SMARCA5: variants seen among roughly 807,000 people sequenced by gnomAD.
SMARCA5 encodes the protein SNF2 related chromatin remodeling ATPase 5.
In SMARCA5, 18 loss-of-function variants were observed where a neutral mutation model predicts 140.4. The ratio of observed to expected loss-of-function variants is 0.13; its 90% CI spans 0.09 to 0.19. The LOEUF is 0.19. Among genes scored for constraint, SMARCA5 ranks in the 10% least tolerant of loss-of-function variants. The pLI is 1.00. For synonymous variants in SMARCA5, 449 were observed against 419.6 expected (o/e 1.07, Z -0.86); for missense variants, 606 against 1,276.8 (o/e 0.47, Z 8.01).
intron 23 of SMARCA5, among the ~76,000 whole-genome samples, 163 bp downstream of exon 23, chr4:143,550,267 C>T (rs1489084982): frequency 1.5e-5 from 2 of 136,866 alleles, no homozygotes; most frequent in African/African-American, 5.4e-5. Flanking sequence ...AACCCAAGCT[C>T]ATAATTTGAG....
At chr4:143,526,482 A>C (rs944444951) in intron 6 of SMARCA5, 22 bp downstream of exon 6, 1 of 1,529,636 alleles carries the variant, frequency 6.5e-7, no homozygotes, top group Non-Finnish European at 9.0e-7. Context: ...GTATTTCATT[A>C]CATTTTTGAG....
intron 10 of SMARCA5, among the ~76,000 whole-genome samples, chr4:143,535,604 T>C (rs1306359781): frequency 6.6e-6 from 1 of 152,140 alleles, no homozygotes; most frequent in Non-Finnish European, 1.5e-5. Context: ...GTAGCAGATA[T>C]TAGGCTTACC....
At position 143,550,121 on chromosome 4, in the gene SMARCA5, A is replaced by T. The variant is rs770393449; in HGVS notation, c.3093+17A>T. 1 of 1,343,938 alleles carries T rather than the reference A, an allele frequency of 7.4e-7. No individual in the cohort carries two copies. The highest frequency in any genetic ancestry group is 1.0e-6 in the Non-Finnish European group (1 of 964,382). The allele number at this position is 1,343,938 out of a possible 1,614,324, so 83.3% of individuals were successfully genotyped here. ...AAGCCTTCAGTAAGTATTCATGAAT[A>T]TGTAAATATGTGGATTATGTAAATT... On this transcript the variant is annotated intron_variant, in intron 23 of 23. Coordinates refer to ENST00000283131, the MANE Select transcript of SMARCA5 (RefSeq NM_003601.4).
chr4:143,536,703 TCAAAA>T (rs1737312047), intron 11 of SMARCA5, 25 bp downstream of exon 11: 1 of 1,504,298 alleles, frequency 6.6e-7, no homozygotes, highest in Admixed American at 1.7e-5. Flanking sequence ...TATCAAATTA[TCAAAA>T]CTGTTTTAAA....
At chr4:143,525,180 G>A (rs749849386) in intron 4 of SMARCA5, among the ~76,000 whole-genome samples, 4 of 151,958 alleles carry the variant, frequency 2.6e-5, no homozygotes, top group Non-Finnish European at 5.9e-5. Flanking sequence ...GAGTCTCTCA[G>A]ACCAGTATAT....
Position 143,555,252 on chromosome 4 carries a change from C to A in SMARCA5, c.*2068C>A. The A allele has an allele frequency of 1.2e-6, 1 of 859,304 alleles. No individual in the cohort carries two copies. Among genetic ancestry groups the A allele is most frequent in the Non-Finnish European group, 1.9e-6 (1 of 512,928 alleles). The allele number at this position is 859,304 out of a possible 1,614,324, so 53.2% of individuals were successfully genotyped here. On this transcript the variant is annotated 3_prime_UTR_variant, in exon 24 of 24. Transcript: ENST00000283131. ...CCAAAGTTTCCTCCCTTCATGGGTC[C>A]AAAATTTGAAGACTGATTGTTGTCA...
At chr4:143,545,100 C>T (rs1737497329) in intron 17 of SMARCA5, among the ~76,000 whole-genome samples, 1 of 151,766 alleles carries the variant, frequency 6.6e-6, no homozygotes, top group African/African-American at 2.4e-5. Context: ...CCACCACCAC[C>T]CCTGGCTAAT....
In SMARCA5 at chr4:143,517,478, G is replaced by A. The variant is rs1278550184; in HGVS notation, c.252+49G>A. On this transcript the variant is annotated intron_variant, in intron 2 of 23. Transcript: ENST00000283131. ...AGTCTATAAGGAAAACTTTTTATCA[G>A]GTGATTAAATGTACTAAACATCTAT... The A allele has an allele frequency of 4.3e-6, 5 of 1,173,556 alleles. No homozygotes were observed. In the Admixed American group the frequency reaches 9.3e-5, roughly 22 times the overall value. 72.7% of individuals were successfully genotyped at this position (1,173,556 alleles called of 1,614,324 possible).
Position 143,557,408 on chromosome 4 carries a change from T to C in SMARCA5, c.*4224T>C, listed in dbSNP as rs1737781531. ...GACAACCCAAAGGAGTTTTTATGTA[T>C]ATAGATTGTGAATAAATTGGGAAAA... On this transcript the variant is annotated 3_prime_UTR_variant, in exon 24 of 24. Transcript: ENST00000283131. The C allele has an allele frequency of 6.6e-6, 1 of 152,234 alleles. No homozygotes were observed. Among genetic ancestry groups the C allele is most frequent in the Admixed American group, 6.5e-5 (1 of 15,294 alleles). 9.4% of individuals were successfully genotyped at this position (152,234 alleles called of 1,614,324 possible).
chr4:143,550,138 A>T, intron 23 of SMARCA5, 34 bp downstream of exon 23: 1 of 1,242,234 alleles, frequency 8.1e-7, no homozygotes, highest in South Asian at 1.4e-5. Context: ...TATGTGGATT[A>T]TGTAAATTTC....
intron 17 of SMARCA5, among the ~76,000 whole-genome samples, chr4:143,545,118 A>G (rs1578804187): frequency 6.6e-6 from 1 of 151,444 alleles, no homozygotes; most frequent in South Asian, 2.1e-4. Flanking sequence ...AATTTTTGTA[A>G]TTTTAGTAGT....
chr4:143,528,770 A>G (rs1737124105), intron 8 of SMARCA5, 56 bp downstream of exon 8: 1 of 1,520,578 alleles, frequency 6.6e-7, no homozygotes, highest in Non-Finnish European at 8.9e-7. Context: ...AATGCTATAT[A>G]TTTTTGTAAT....
chr4:143,522,727 CTACTG>C (rs1367105826), intron 3 of SMARCA5, among the ~76,000 whole-genome samples: 1 of 152,112 alleles, frequency 6.6e-6, no homozygotes, highest in African/African-American at 2.4e-5. Context: ...AAACTGGAAA[CTACTG>C]TACTGAATAT....
At chr4:143,533,711 G>A (rs185757456) in intron 9 of SMARCA5, among the ~76,000 whole-genome samples, 78 of 152,130 alleles carry the variant, frequency 5.1e-4, no homozygotes, top group Non-Finnish European at 2.9e-5. Context: ...GTTTCACCAT[G>A]TTAGCCAGGA....
intron 23 of SMARCA5, 94 bp downstream of exon 23, chr4:143,550,198 C>A: frequency 1.7e-6 from 1 of 603,316 alleles, no homozygotes; most frequent in Non-Finnish European, 2.8e-6. Context: ...GTGTTAGTCC[C>A]TGTTGTGCAC....
intron 13 of SMARCA5, 37 bp downstream of exon 13, chr4:143,538,975 A>G: frequency 1.3e-6 from 2 of 1,575,252 alleles, no homozygotes; most frequent in Admixed American, 3.4e-5. Context: ...TGTGCTTAGT[A>G]GATGGCGTTA....
chr4:143,540,169 T>C (rs1185858826), intron 13 of SMARCA5, among the ~76,000 whole-genome samples, 194 bp from the exon 14 acceptor site: 1 of 152,228 alleles, frequency 6.6e-6, no homozygotes, highest in African/African-American at 2.4e-5. Flanking sequence ...TTGTATATTG[T>C]TTGGAGACAT....
intron 10 of SMARCA5, among the ~76,000 whole-genome samples, chr4:143,536,057 G>T (rs72723148): frequency 0.2 from 30,640 of 151,900 alleles, 3,150 homozygotes; most frequent in South Asian, 0.29. Flanking sequence ...CTAGCTATGG[G>T]GTATATAGTA....
intron 14 of SMARCA5, among the ~76,000 whole-genome samples, chr4:143,542,195 G>T (rs1057401936): frequency 1.3e-5 from 2 of 152,020 alleles, no homozygotes; most frequent in African/African-American, 4.8e-5. Flanking sequence ...GACCTTAATT[G>T]ATTCATAATT....
Sources: allele counts gnomAD v4.1 joint callset (sites outside exome capture counted in the v4.1 genomes callset), GRCh38; gene constraint gnomAD v4.1.1; transcripts MANE v1.5; gene names NCBI Gene and HGNC (gene_info 2026-07-23, HGNC 2026-07-21).